Variants in ELAVL2 observed in about 807,000 individuals in gnomAD.
The protein encoded by ELAVL2 is ELAV like RNA binding protein 2, also known as ELAV-like protein 2.
ELAVL2 carries 4 observed loss-of-function variants against 34.6 expected under a neutral mutation model. The ratio of observed to expected loss-of-function variants is 0.12; its 90% CI spans 0.06 to 0.26. ELAVL2 has a LOEUF of 0.26. Ranked by LOEUF, ELAVL2 falls within the 10% of genes least tolerant of loss-of-function variation. ELAVL2 has a pLI of 1.00. For synonymous variants in ELAVL2, 193 were observed against 154.8 expected, an observed-to-expected ratio of 1.25 and a Z score of -1.83; for missense variants, 432 against 442.8, an observed-to-expected ratio of 0.98 and a Z score of 0.22.
chr9:23,747,991 C>A (rs1046901310), intron 2 of ELAVL2, among the ~76,000 whole-genome samples: 1 of 152,132 alleles, frequency 6.6e-6, no homozygotes, highest in African/African-American at 2.4e-5. Flanking sequence ...AGGCCACAAA[C>A]CACCTGCCTC....
intron 1 of ELAVL2, among the ~76,000 whole-genome samples, chr9:23,764,722 CT>C (rs777238245): frequency 2.6e-5 from 4 of 151,940 alleles, no homozygotes; most frequent in African/African-American, 9.6e-5. Context: ...CATACCAAAA[CT>C]TTTTTTGTTT....
chr9:23,811,827 G>A (rs182230093), intron 1 of ELAVL2, among the ~76,000 whole-genome samples: 3 of 152,224 alleles, frequency 2.0e-5, no homozygotes, highest in Admixed American at 2.0e-4. Flanking sequence ...AGTAGGTTTT[G>A]CAGAAATACT....
chr9:23,745,051 T>C (rs190634940), intron 2 of ELAVL2, among the ~76,000 whole-genome samples: 1 of 151,852 alleles, frequency 6.6e-6, no homozygotes. Context: ...ACAAAATATA[T>C]AAATTAGCTG....
chr9:23,732,358 G>C (rs1428887404), intron 2 of ELAVL2, among the ~76,000 whole-genome samples: 1 of 152,108 alleles, frequency 6.6e-6, no homozygotes. Flanking sequence ...TATATTTTGG[G>C]ACCACAATCA....
chr9:23,828,331 A>G (rs1182906708), upstream of ELAVL2, among the ~76,000 whole-genome samples: 1 of 152,218 alleles, frequency 6.6e-6, no homozygotes, highest in Non-Finnish European at 1.5e-5. Context: ...ATATGCCCAT[A>G]TAATTTCAGT....
At chr9:23,801,302 G>T (rs1276966123) in intron 1 of ELAVL2, among the ~76,000 whole-genome samples, 1 of 152,174 alleles carries the variant, frequency 6.6e-6, no homozygotes, top group African/African-American at 2.4e-5. Context: ...TAAACTCAAA[G>T]AAATTTTCTC....
chr9:23,690,858 T>C lies in ELAVL2; in HGVS notation c.*1699A>G, dbSNP rs777281952. ...TAGATGCTAATCAGAAAATATTTTG[T>C]ATTTTTTAAAATTTCTTTCATACAT... On this transcript the variant is annotated 3_prime_UTR_variant, in exon 7 of 7. Transcript: ENST00000397312. 2.3e-4 allele frequency: 35 copies of C among 152,600 alleles called. No individual in the cohort carries two copies. Among genetic ancestry groups the C allele is most frequent in the Admixed American group, 5.9e-4 (9 of 15,272 alleles). 9.5% of individuals were successfully genotyped at this position (152,600 alleles called of 1,614,324 possible).
the ELAVL2 span, among the ~76,000 whole-genome samples, chr9:23,843,295 G>A: frequency 0.24 from 36,948 of 151,836 alleles, 4,952 homozygotes; most frequent in Admixed American, 0.33. Flanking sequence ...TGAACACAGG[G>A]AAATAAAAAA....
intron 1 of ELAVL2, among the ~76,000 whole-genome samples, chr9:23,797,666 G>A (rs940556413): frequency 3.9e-5 from 6 of 152,326 alleles, no homozygotes; most frequent in East Asian, 1.9e-4. Context: ...GGTGGCTTAC[G>A]CCTGTAATCC....
chr9:23,722,900 A>T (rs947501378), intron 3 of ELAVL2, among the ~76,000 whole-genome samples: 7 of 152,184 alleles, frequency 4.6e-5, no homozygotes, highest in African/African-American at 1.7e-4. Context: ...AAGTTAACAC[A>T]ATCATCTTAA....
At chr9:23,708,665 C>T (rs749534552) in intron 3 of ELAVL2, among the ~76,000 whole-genome samples, 6 of 152,172 alleles carry the variant, frequency 3.9e-5, no homozygotes, top group East Asian at 1.9e-4. Flanking sequence ...TATTTTGAGA[C>T]GGAGTCTCAC....
At position 23,695,583 on chromosome 9, in the gene ELAVL2, T is replaced by C. The variant is rs967672894; in HGVS notation, c.714-2097A>G. On this transcript the variant is annotated intron_variant, in intron 5 of 6. Coordinates refer to ENST00000397312, the MANE Select transcript of ELAVL2 (RefSeq NM_004432.5). ...GTTGTTGTACGATCATAGAATGCAC[T>C]TATACAAACCTAGATGGTAATAGCC... 3.3e-5 allele frequency among the ~76,000 whole-genome samples: 5 copies of C among 152,274 alleles called. No homozygotes were observed. In the East Asian group the frequency reaches 5.8e-4, roughly 18 times the overall value.
intron 1 of ELAVL2, among the ~76,000 whole-genome samples, chr9:23,795,474 C>T (rs777592782): frequency 3.9e-5 from 6 of 151,994 alleles, no homozygotes; most frequent in Non-Finnish European, 7.4e-5. Flanking sequence ...ACCTGGGAGG[C>T]GGAGGCTGCA....
rs570832672 is a variant in ELAVL2, at chr9:23,799,059, C to T, written c.-16+26747G>A. Among the ~76,000 whole-genome samples the T allele has an allele frequency of 2.6e-5, 4 of 152,310 alleles. No individual in the cohort carries two copies. In the South Asian group the frequency reaches 8.3e-4, roughly 32 times the overall value. On this transcript the variant is annotated intron_variant, in intron 1 of 6. Coordinates refer to ENST00000397312, the MANE Select transcript of ELAVL2 (RefSeq NM_004432.5). ...ATGGAAGAACTATTAAAACCCTTAT[C>T]ATAATGGCCTTCCTAAAGTGCTAAT... is the stretch of plus-strand genomic sequence containing the variant.
At chr9:23,766,987 T>C (rs1437446124) in intron 1 of ELAVL2, among the ~76,000 whole-genome samples, 1 of 152,242 alleles carries the variant, frequency 6.6e-6, no homozygotes, top group African/African-American at 2.4e-5. Flanking sequence ...CCTCTTAATT[T>C]AGACATCACT....
chr9:23,741,872 A>G (rs2049288799), intron 2 of ELAVL2, among the ~76,000 whole-genome samples: 1 of 152,134 alleles, frequency 6.6e-6, no homozygotes, highest in Admixed American at 6.6e-5. Context: ...GCTCCCATTA[A>G]AAATGCTTTT....
At chr9:23,843,061 G>A in the ELAVL2 span, among the ~76,000 whole-genome samples, 2 of 152,038 alleles carry the variant, frequency 1.3e-5, no homozygotes, top group Non-Finnish European at 2.9e-5. Flanking sequence ...GGCTTTTGAA[G>A]AGCAACAATT....
intron 3 of ELAVL2, among the ~76,000 whole-genome samples, chr9:23,728,407 C>T (rs2045769927): frequency 6.6e-6 from 1 of 152,030 alleles, no homozygotes; most frequent in Admixed American, 6.6e-5. Flanking sequence ...TGCATGGACG[C>T]TGGGAGTAAG....
chr9:23,823,785 T>A (rs1021401158), intron 1 of ELAVL2, among the ~76,000 whole-genome samples: 3 of 152,370 alleles, frequency 2.0e-5, no homozygotes, highest in Admixed American at 6.5e-5. Flanking sequence ...CTTTAGAAAC[T>A]GATTTTCAAT....
Sources: gnomAD v4.1 joint callset for allele counts (sites outside exome capture counted in the v4.1 genomes callset) on GRCh38, gnomAD v4.1.1 for gene constraint, MANE v1.5 for transcripts, NCBI Gene and HGNC (gene_info 2026-07-23, HGNC 2026-07-21) for gene names.